Variants in CEP83 observed in about 807,000 individuals in gnomAD.
CEP83 encodes the protein centrosomal protein of 83 kDa.
Under a neutral mutation model 101.9 loss-of-function variants are expected in CEP83, and 70 were observed. That is an observed-to-expected ratio of 0.69 (90% CI 0.57 to 0.84). CEP83 has a LOEUF of 0.84. CEP83 is among the 40% of genes least tolerant of loss of function. The probability of loss-of-function intolerance (pLI) is 0.00; values close to 1 mark genes in which losing one functional copy is unlikely to be tolerated. For synonymous variants in CEP83, 264 were observed against 267.9 expected, an observed-to-expected ratio of 0.99 and a Z score of 0.14; for missense variants, 715 against 787.2, an observed-to-expected ratio of 0.91 and a Z score of 1.10.
At position 94,378,800 on chromosome 12, in the gene CEP83, T is replaced by C. The variant is rs773428280; in HGVS notation, c.792A>G (p.Arg264=). Residue 264 remains arginine (R), a synonymous_variant, in exon 7 of 17, where the codon AGA becomes AGG. Transcript: ENST00000397809. ...GTAATTAGAATCTTACCTCCAGGGA[T>C]CTGACTGTAGCCTGCATCTCAGCCA... The part of the protein sequence containing the change: ...RQLAEMQATV[R]SLEAEKQSAN... The C allele has an allele frequency of 9.3e-6, 15 of 1,613,914 alleles. No individual in the cohort carries two copies. Among genetic ancestry groups the C allele is most frequent in the Admixed American group, 1.7e-5 (1 of 59,978 alleles).
At chr12:94,458,179 A>C (rs2067835509) in intron 1 of CEP83, among the ~76,000 whole-genome samples, 1 of 151,842 alleles carries the variant, frequency 6.6e-6, no homozygotes, top group Non-Finnish European at 1.5e-5. Flanking sequence ...CCTGAGCGAC[A>C]AGAATGAAAC....
chr12:94,413,142 C>A (rs1229109935), intron 2 of CEP83, among the ~76,000 whole-genome samples: 1 of 152,244 alleles, frequency 6.6e-6, no homozygotes, highest in Non-Finnish European at 1.5e-5. Flanking sequence ...GCGTGAGCCA[C>A]CACGCTCAGC....
At chr12:94,440,189 A>C (rs189268238) in intron 1 of CEP83, among the ~76,000 whole-genome samples, 1 of 152,318 alleles carries the variant, frequency 6.6e-6, no homozygotes, top group East Asian at 1.9e-4. Flanking sequence ...TAGCCAGAAC[A>C]ATCAGACAAG....
At chr12:94,420,398 T>G (rs779669753) in intron 2 of CEP83, among the ~76,000 whole-genome samples, 1 of 151,782 alleles carries the variant, frequency 6.6e-6, no homozygotes, top group African/African-American at 2.4e-5. Context: ...CCATCAACAG[T>G]TGAAGAAACG....
intron 11 of CEP83, among the ~76,000 whole-genome samples, chr12:94,338,899 G>C (rs916750843): frequency 6.6e-6 from 1 of 151,884 alleles, no homozygotes; most frequent in Non-Finnish European, 1.5e-5. Context: ...GAAGTCAACC[G>C]TAAGGATCAT....
At chr12:94,423,631 T>C in intron 2 of CEP83, 2 of 1,547,714 alleles carry the variant, frequency 1.3e-6, no homozygotes, top group Non-Finnish European at 8.7e-7. Context: ...TGTTAGTCCT[T>C]AGCAGGGCCG....
chr12:94,364,326 C>T (rs1283173410), intron 11 of CEP83, among the ~76,000 whole-genome samples: 1 of 151,950 alleles, frequency 6.6e-6, no homozygotes, highest in Non-Finnish European at 1.5e-5. Context: ...AATAAAACTG[C>T]AAACAAACTT....
At chr12:94,333,723 T>C in intron 12 of CEP83, 84 bp from the exon 13 acceptor site, 1 of 1,356,896 alleles carries the variant, frequency 7.4e-7, no homozygotes, top group Non-Finnish European at 1.0e-6. Flanking sequence ...ACTAAGCATC[T>C]CCCTTTGCAA....
At chr12:94,336,653 T>C (rs558272588) in intron 11 of CEP83, among the ~76,000 whole-genome samples, 1 of 152,138 alleles carries the variant, frequency 6.6e-6, no homozygotes, top group East Asian at 1.9e-4. Flanking sequence ...TCCTGAGACG[T>C]TTACATACAA....
chr12:94,323,992 T>C (rs1026522449), intron 14 of CEP83, among the ~76,000 whole-genome samples: 1 of 152,224 alleles, frequency 6.6e-6, no homozygotes, highest in Non-Finnish European at 1.5e-5. Flanking sequence ...CTGAACAATT[T>C]TGCATGTTAA....
At chr12:94,350,244 A>C (rs1444399559) in intron 11 of CEP83, among the ~76,000 whole-genome samples, 1 of 152,216 alleles carries the variant, frequency 6.6e-6, no homozygotes, top group Non-Finnish European at 1.5e-5. Flanking sequence ...AATTTATTGC[A>C]AAGTTATAAT....
At chr12:94,395,828 A>G (rs189266487) in intron 6 of CEP83, among the ~76,000 whole-genome samples, 2 of 152,304 alleles carry the variant, frequency 1.3e-5, no homozygotes, top group African/African-American at 2.4e-5. Context: ...CTCAAGAAAA[A>G]AAAAGAAGAA....
Position 94,427,579 on chromosome 12 carries a change from G to T in CEP83, c.-102+7696C>A, listed in dbSNP as rs1029499234. On this transcript the variant is annotated intron_variant, in intron 2 of 16. Coordinates refer to ENST00000397809, the MANE Select transcript of CEP83 (RefSeq NM_016122.3). ...TTAAGCAGTGAGTAGTACAATGTCTGCCCCAAAGTATGGTAATTCAAAATA... is the reference window on the plus strand; with the variant it reads ...TTAAGCAGTGAGTAGTACAATGTCTTCCCCAAAGTATGGTAATTCAAAATA... Among the ~76,000 whole-genome samples the T allele has an allele frequency of 1.2e-4, 19 of 152,108 alleles. No homozygotes were observed. In the East Asian group the frequency reaches 2.1e-3, roughly 17 times the overall value.
the CEP83 span, among the ~76,000 whole-genome samples, chr12:94,286,691 A>G: frequency 1.3e-5 from 2 of 151,030 alleles, no homozygotes; most frequent in African/African-American, 4.9e-5. Context: ...AATCAGACTC[A>G]CCTCCCTCCA....
the CEP83 span, among the ~76,000 whole-genome samples, chr12:94,274,967 A>T: frequency 6.6e-6 from 1 of 152,208 alleles, no homozygotes. Flanking sequence ...TGCTATTATT[A>T]TGTGTCATTA....
chr12:94,293,441 AC>A, the CEP83 span, among the ~76,000 whole-genome samples: 10 of 152,216 alleles, frequency 6.6e-5, no homozygotes, highest in Non-Finnish European at 1.5e-5. Context: ...ATAACAGAAT[AC>A]CATTGACTGG....
At chr12:94,441,414 T>C (rs547802368) in intron 1 of CEP83, among the ~76,000 whole-genome samples, 1 of 152,292 alleles carries the variant, frequency 6.6e-6, no homozygotes, top group East Asian at 1.9e-4. Context: ...AACAGACATA[T>C]GAAAAAATGT....
chr12:94,307,678 CTGTCTT>C (rs969868343), downstream of CEP83: 4 of 98,784 alleles, frequency 4.0e-5, no homozygotes, highest in East Asian at 7.3e-4. Flanking sequence ...TAACTGTGGA[CTGTCTT>C]TTTTTTTTTT....
intron 1 of CEP83, among the ~76,000 whole-genome samples, chr12:94,451,707 A>AC (rs2067266668): frequency 1.3e-5 from 2 of 152,160 alleles, no homozygotes; most frequent in African/African-American, 4.8e-5. Context: ...GGTAGGATGT[A>AC]ATTGGTACAG....
Sources: allele counts gnomAD v4.1 joint callset (sites outside exome capture counted in the v4.1 genomes callset), GRCh38; gene constraint gnomAD v4.1.1; transcripts MANE v1.5; gene names NCBI Gene and HGNC (gene_info 2026-07-23, HGNC 2026-07-21).